Variants in SPINK5 observed in about 807,000 individuals in gnomAD.
SPINK5 encodes the protein serine protease inhibitor Kazal-type 5.
In SPINK5, 125 loss-of-function variants were observed where a neutral mutation model predicts 151.8. The observed-to-expected ratio is 0.82, with a 90% confidence interval of 0.71 to 0.96. SPINK5 has a LOEUF of 0.96. Ranked by LOEUF, SPINK5 falls within the 40% of genes least tolerant of loss-of-function variation. The pLI, the probability that SPINK5 is intolerant of heterozygous loss-of-function variation, is 0.00. For synonymous variants in SPINK5, 374 were observed against 395.3 expected (o/e 0.95, Z 0.64); for missense variants, 1,194 against 1,291.9 (o/e 0.92, Z 1.16).
At chr5:148,133,272 C>T (rs1754616907) in intron 31 of SPINK5, among the ~76,000 whole-genome samples, 1 of 152,198 alleles carries the variant, frequency 6.6e-6, no homozygotes, top group South Asian at 2.1e-4. Flanking sequence ...ACAAATTGCA[C>T]TGCCTTGATA....
chr5:148,109,125 G>A (rs2113148447), intron 18 of SPINK5, among the ~76,000 whole-genome samples: 1 of 152,236 alleles, frequency 6.6e-6, no homozygotes, highest in South Asian at 2.1e-4. Context: ...CTTACTGTCT[G>A]AATGCAGACT....
intron 11 of SPINK5, 81 bp from the exon 12 acceptor site, chr5:148,099,153 C>G (rs1451335736): frequency 7.7e-7 from 1 of 1,301,736 alleles, no homozygotes; most frequent in Non-Finnish European, 1.1e-6. Flanking sequence ...GGAGGGAGAA[C>G]AGTTAACAGT....
intron 20 of SPINK5, among the ~76,000 whole-genome samples, 170 bp from the exon 21 acceptor site, chr5:148,114,192 C>G (rs1040395169): frequency 6.6e-6 from 1 of 151,308 alleles, no homozygotes; most frequent in South Asian, 2.1e-4. Context: ...ATACAGCCAC[C>G]TTCTTAAGTC....
chr5:148,133,930 G>A (rs1382086565), intron 32 of SPINK5, 43 bp downstream of exon 32: 1 of 1,598,148 alleles, frequency 6.3e-7, no homozygotes, highest in South Asian at 1.1e-5. Flanking sequence ...ACGTTGTGAG[G>A]AGCACTGGGT....
chr5:148,089,331 C>G (rs1753245308), intron 6 of SPINK5, 163 bp from the exon 7 acceptor site: 5 of 879,098 alleles, frequency 5.7e-6, no homozygotes, highest in South Asian at 4.2e-5. Context: ...TATATTTAAC[C>G]ACATGAATTA....
At chr5:148,115,213 TA>T (rs1754053480) in intron 21 of SPINK5, among the ~76,000 whole-genome samples, 1 of 152,082 alleles carries the variant, frequency 6.6e-6, no homozygotes, top group Non-Finnish European at 1.5e-5. Flanking sequence ...TGACAGAAAG[TA>T]ATGAGAGGAG....
chr5:148,078,187 A>G (rs112307983), intron 4 of SPINK5, among the ~76,000 whole-genome samples: 5 of 151,306 alleles, frequency 3.3e-5, no homozygotes, highest in South Asian at 2.1e-4. Flanking sequence ...ACATTATTAG[A>G]GACAAATAGG....
rs766432990 is a variant in SPINK5, at chr5:148,070,421, C to T, written c.180C>T (p.Ile60=). The T allele has an allele frequency of 6.2e-7, 1 of 1,612,620 alleles. No individual in the cohort carries two copies. The highest frequency in any genetic ancestry group is 1.6e-4 in the Middle Eastern group (1 of 6,068). Residue 60 remains isoleucine (I), a synonymous_variant, in exon 3 of 33, where the codon ATC becomes ATT. Transcript: ENST00000256084. The part of the protein sequence containing the change: ...FFQSLDGIMF[I]NKCATCKMIL... ...AAAGTCTTGATGGAATAATGTTCATCAATAAATGTGCCACGTGCAAAATGA... is the reference window on the plus strand; with the variant it reads ...AAAGTCTTGATGGAATAATGTTCATTAATAAATGTGCCACGTGCAAAATGA...
chr5:148,114,370 C>G lies in SPINK5; in HGVS notation c.1896C>G (p.Cys632Trp). The G allele has an allele frequency of 6.2e-7, 1 of 1,611,486 alleles. No homozygotes were observed. Among genetic ancestry groups the G allele is most frequent in the Non-Finnish European group, 8.5e-7 (1 of 1,178,790 alleles). Reference protein sequence around the residue: ...KVKREAEKETCDEFRRLLQNG... With the variant: ...KVKREAEKETWDEFRRLLQNG... ...TTTTCTTTTCCTTTTAGGAGACATG[C>G]GATGAATTTCGGAGACTTTTGCAAA... is the stretch of plus-strand genomic sequence containing the variant. The change falls in exon 21 of 33, where the codon TGC becomes TGG. Residue 632 changes from cysteine (C) to tryptophan (W), a missense_variant. Physicochemically the swap from Cys to Trp is radical, Grantham distance 215. Coordinates refer to ENST00000256084, the MANE Select transcript of SPINK5 (RefSeq NM_006846.4).
chr5:148,116,263 C>T lies in SPINK5; in HGVS notation c.2016-107C>T, dbSNP rs558430410. ...GCATAGTAGATGTTAACTCAATGCT[C>T]GATAATTCTGTACATATGTGATTTG... is the stretch of plus-strand genomic sequence containing the variant. On this transcript the variant is annotated intron_variant, in intron 21 of 32. Transcript: ENST00000256084. The T allele has an allele frequency of 1.1e-4, 121 of 1,148,110 alleles. No homozygotes were observed. In the African/African-American group the frequency reaches 1.4e-3, roughly 13 times the overall value. The allele number at this position is 1,148,110 out of a possible 1,614,324, so 71.1% of individuals were successfully genotyped here.
chr5:148,070,234 G>C, intron 2 of SPINK5, 89 bp from the exon 3 acceptor site: 1 of 1,451,576 alleles, frequency 6.9e-7, no homozygotes, highest in Middle Eastern at 2.3e-4. Flanking sequence ...TATATATGCA[G>C]ACATATACAT....
chr5:148,080,667 T>TA, intron 4 of SPINK5, among the ~76,000 whole-genome samples: 1 of 151,496 alleles, frequency 6.6e-6, no homozygotes, highest in East Asian at 2.0e-4. Context: ...GCACTAAATG[T>TA]AAAAGCTAAA....
chr5:148,109,384 G>A (rs554625683), intron 18 of SPINK5, among the ~76,000 whole-genome samples: 1 of 152,082 alleles, frequency 6.6e-6, no homozygotes, highest in Admixed American at 6.6e-5. Flanking sequence ...AGTAGCCATT[G>A]AAGGGACATA....
At chr5:148,115,573 G>C (rs1432828570) in intron 21 of SPINK5, among the ~76,000 whole-genome samples, 1 of 152,110 alleles carries the variant, frequency 6.6e-6, no homozygotes, top group Non-Finnish European at 1.5e-5. Flanking sequence ...ATCAAGGTGG[G>C]GGATGCTGTG....
intron 26 of SPINK5, among the ~76,000 whole-genome samples, chr5:148,121,708 A>T (rs564825684): frequency 6.6e-6 from 1 of 152,072 alleles, no homozygotes; most frequent in South Asian, 2.1e-4. Flanking sequence ...TTTTAATCCC[A>T]GTGTTTTGGG....
At chr5:148,088,844 AAAG>A (rs1012329837) in intron 6 of SPINK5, among the ~76,000 whole-genome samples, 2 of 151,286 alleles carry the variant, frequency 1.3e-5, no homozygotes, top group African/African-American at 2.4e-5. Flanking sequence ...ATAAAAAAAA[AAAG>A]AAGAAGAAGA....
At chr5:148,111,208 G>A (rs1204875335) in intron 18 of SPINK5, among the ~76,000 whole-genome samples, 1 of 151,662 alleles carries the variant, frequency 6.6e-6, no homozygotes, top group Non-Finnish European at 1.5e-5. Context: ...TACAAAGCCA[G>A]CAATGTTATA....
chr5:148,095,684 G>A, intron 9 of SPINK5, 134 bp from the exon 10 acceptor site: 1 of 712,628 alleles, frequency 1.4e-6, no homozygotes, highest in Non-Finnish European at 2.5e-6. Flanking sequence ...GGGTCTTTTT[G>A]GGGATTTGAG....
At chr5:148,103,025 C>G (rs1753690109) in intron 15 of SPINK5, among the ~76,000 whole-genome samples, 1 of 151,982 alleles carries the variant, frequency 6.6e-6, no homozygotes, top group Non-Finnish European at 1.5e-5. Flanking sequence ...TCCCATGTGC[C>G]AAGAATCTTA....
Sources: allele counts gnomAD v4.1 joint callset (sites outside exome capture counted in the v4.1 genomes callset), GRCh38; gene constraint gnomAD v4.1.1; transcripts MANE v1.5; gene names NCBI Gene and HGNC (gene_info 2026-07-23, HGNC 2026-07-21).